The following SCAPER variants were observed in gnomAD, a reference collection of about 807,000 sequenced individuals.
SCAPER encodes the protein S-phase cyclin A associated protein in the ER.
SCAPER carries 98 observed loss-of-function variants against 182.2 expected under a neutral mutation model. The observed-to-expected ratio is 0.54, with a 90% CI of 0.46 to 0.64. The LOEUF (loss-of-function observed/expected upper bound fraction) is 0.64. SCAPER is among the 30% of genes least tolerant of loss of function. The probability of loss-of-function intolerance (pLI) is 0.00; values close to 1 mark genes in which losing one functional copy is unlikely to be tolerated. For missense variants in SCAPER, 1,432 were observed against 1,690.0 expected (o/e 0.85, Z 2.68); for synonymous variants, 605 against 564.6 (o/e 1.07, Z -1.01).
At chr15:76,701,548 G>A (rs889965686) in intron 20 of SCAPER, among the ~76,000 whole-genome samples, 2 of 152,026 alleles carry the variant, frequency 1.3e-5, no homozygotes, top group Admixed American at 1.3e-4. Context: ...GTAAATAACA[G>A]CATTAAATTC....
intron 22 of SCAPER, among the ~76,000 whole-genome samples, chr15:76,579,050 A>G (rs1007432017): frequency 6.6e-6 from 1 of 152,108 alleles, no homozygotes; most frequent in African/African-American, 2.4e-5. Flanking sequence ...GCAGATCACA[A>G]GGACAGGAGA....
intron 20 of SCAPER, among the ~76,000 whole-genome samples, chr15:76,689,006 G>A (rs1156452901): frequency 1.3e-5 from 2 of 151,658 alleles, no homozygotes; most frequent in African/African-American, 2.4e-5. Context: ...TCGTCACCAC[G>A]GCCAGCTAAT....
At chr15:76,629,886 C>T (rs1471522081) in intron 21 of SCAPER, among the ~76,000 whole-genome samples, 3 of 152,090 alleles carry the variant, frequency 2.0e-5, no homozygotes, top group Non-Finnish European at 4.4e-5. Flanking sequence ...TCCATCTGGT[C>T]TTGGGCTTTT....
chr15:76,615,064 G>A (rs2051326812), intron 22 of SCAPER, among the ~76,000 whole-genome samples: 1 of 152,130 alleles, frequency 6.6e-6, no homozygotes, highest in African/African-American at 2.4e-5. Flanking sequence ...AAAATCTAAT[G>A]ATGAAGAAAT....
intron 3 of SCAPER, among the ~76,000 whole-genome samples, chr15:76,859,694 C>T (rs1382130127): frequency 6.6e-6 from 1 of 152,152 alleles, no homozygotes; most frequent in Admixed American, 6.5e-5. Context: ...TCAGAAAGTT[C>T]TAATTATCTG....
intron 22 of SCAPER, among the ~76,000 whole-genome samples, chr15:76,608,981 C>T (rs920483666): frequency 3.9e-5 from 6 of 152,172 alleles, no homozygotes; most frequent in Admixed American, 2.0e-4. Flanking sequence ...CTGGGTGAGG[C>T]GATGCCTCGC....
chr15:76,514,605 T>C (rs886811757), intron 23 of SCAPER, among the ~76,000 whole-genome samples: 1 of 152,176 alleles, frequency 6.6e-6, no homozygotes, highest in African/African-American at 2.4e-5. Flanking sequence ...AGGTGGCAGA[T>C]GGGGAAAACT....
intron 18 of SCAPER, among the ~76,000 whole-genome samples, chr15:76,704,804 A>G (rs527739635): frequency 2.6e-5 from 4 of 152,356 alleles, no homozygotes; most frequent in South Asian, 2.1e-4. Context: ...AATGCTCATC[A>G]TCACTCTCCA....
chr15:76,392,169 C>T (rs1302721655), intron 27 of SCAPER, among the ~76,000 whole-genome samples: 1 of 152,028 alleles, frequency 6.6e-6, no homozygotes, highest in Non-Finnish European at 1.5e-5. Flanking sequence ...ATGGTTTGGG[C>T]CTTAACCTTA....
intron 26 of SCAPER, among the ~76,000 whole-genome samples, chr15:76,428,699 A>G (rs1279314629): frequency 2.6e-5 from 4 of 151,706 alleles, no homozygotes; most frequent in Non-Finnish European, 5.9e-5. Context: ...ACAATTAAAT[A>G]GGAGGAATAA....
chr15:76,500,075 T>A (rs1023860249), intron 24 of SCAPER, among the ~76,000 whole-genome samples: 7 of 152,208 alleles, frequency 4.6e-5, no homozygotes, highest in African/African-American at 1.7e-4. Context: ...GTATTAGTCT[T>A]CCCATTTAAT....
At chr15:76,508,317 G>A (rs1274859600) in intron 23 of SCAPER, among the ~76,000 whole-genome samples, 2 of 152,014 alleles carry the variant, frequency 1.3e-5, no homozygotes, top group Non-Finnish European at 2.9e-5. Flanking sequence ...TTTCACTGCT[G>A]GTTGACATTT....
At chr15:76,359,407 G>C (rs2141710303) in intron 29 of SCAPER, among the ~76,000 whole-genome samples, 1 of 152,368 alleles carries the variant, frequency 6.6e-6, no homozygotes, top group East Asian at 1.9e-4. Flanking sequence ...GGATCTTGCA[G>C]TGGCAGAGTA....
chr15:76,723,102 G>A (rs1196480220), intron 17 of SCAPER, among the ~76,000 whole-genome samples: 1 of 152,070 alleles, frequency 6.6e-6, no homozygotes, highest in Non-Finnish European at 1.5e-5. Flanking sequence ...TGCTTTGAAT[G>A]TGTCCCAGAG....
chr15:76,757,914 G>T (rs76570484), intron 14 of SCAPER, among the ~76,000 whole-genome samples: 2 of 152,240 alleles, frequency 1.3e-5, no homozygotes, highest in African/African-American at 4.8e-5. Flanking sequence ...CTTTTGAGAA[G>T]TGTCTCTTTA....
chr15:76,504,510 C>A (rs2041413257), intron 24 of SCAPER, among the ~76,000 whole-genome samples: 1 of 152,156 alleles, frequency 6.6e-6, no homozygotes, highest in African/African-American at 2.4e-5. Flanking sequence ...TACTTACTCA[C>A]CTCTTTTTTC....
intron 23 of SCAPER, among the ~76,000 whole-genome samples, chr15:76,513,781 C>T (rs1347590206): frequency 6.6e-6 from 1 of 152,160 alleles, no homozygotes; most frequent in African/African-American, 2.4e-5. Context: ...ACTAAAAATC[C>T]TTAACCATAA....
intron 10 of SCAPER, 100 bp downstream of exon 10, chr15:76,771,641 TA>T: frequency 2.5e-6 from 2 of 815,622 alleles, no homozygotes; most frequent in Non-Finnish European, 1.9e-6. Context: ...AAAAATGCTT[TA>T]AAAAGTATAA....
intron 23 of SCAPER, among the ~76,000 whole-genome samples, chr15:76,571,791 C>T (rs1324261776): frequency 6.6e-6 from 1 of 152,066 alleles, no homozygotes; most frequent in African/African-American, 2.4e-5. Context: ...TTTGTTACTC[C>T]AGGCAGTTTT....
Sources: allele counts gnomAD v4.1 joint callset (sites outside exome capture counted in the v4.1 genomes callset), GRCh38; gene constraint gnomAD v4.1.1; transcripts MANE v1.5; gene names NCBI Gene and HGNC (gene_info 2026-07-23, HGNC 2026-07-21).